RMDN3: variants seen among roughly 807,000 people sequenced by gnomAD.
The protein encoded by RMDN3 is regulator of microtubule dynamics 3, also known as regulator of microtubule dynamics protein 3.
Under a neutral mutation model 61.8 loss-of-function variants are expected in RMDN3, and 41 were observed. The observed-to-expected ratio is 0.66, with a 90% CI of 0.52 to 0.86. RMDN3 has a LOEUF of 0.86. Ranked by LOEUF, RMDN3 falls within the 40% of genes least tolerant of loss-of-function variation. RMDN3 has a pLI of 0.00. For synonymous variants in RMDN3, 247 were observed against 232.0 expected (o/e 1.06, Z -0.59); for missense variants, 557 against 585.3 (o/e 0.95, Z 0.50).
intron 4 of RMDN3, among the ~76,000 whole-genome samples, chr15:40,748,164 G>A (rs983731749): frequency 1.3e-5 from 2 of 152,172 alleles, no homozygotes; most frequent in Admixed American, 6.5e-5. Context: ...AAGAAGGAAG[G>A]AATACAGCTT....
intron 9 of RMDN3, 53 bp downstream of exon 9, chr15:40,737,912 C>A (rs536849601): frequency 1.5e-5 from 23 of 1,582,702 alleles, no homozygotes; most frequent in Non-Finnish European, 1.9e-5. Flanking sequence ...GCAAGGAAAT[C>A]GGTGTCAGAA....
At position 40,736,561 on chromosome 15, in the gene RMDN3, C is replaced by A. The variant is rs1567060223; in HGVS notation, c.1393G>T (p.Glu465Ter). The A allele has an allele frequency of 6.2e-7, 1 of 1,613,976 alleles. No homozygotes were observed. Among genetic ancestry groups the A allele is most frequent in the Non-Finnish European group, 8.5e-7 (1 of 1,179,950 alleles). The change falls in exon 13 of 13, where the codon GAA becomes TAA. Residue 465 changes from glutamate (E) to a stop codon, truncating the protein, a stop_gained. Coordinates refer to ENST00000338376, the MANE Select transcript of RMDN3 (RefSeq NM_018145.3). LOFTEE classifies it high-confidence loss of function. Reference protein sequence around the residue: ...LAIQKDLEELEVILRD With the variant: ...LAIQKDLEEL ...CGTGGTTAGTCTCGTAAAATGACTT[C>A]CAGTTCTTCCAGGTCCTTCTGGATA...
intron 1 of RMDN3, 67 bp from the exon 2 acceptor site, chr15:40,754,857 G>T: frequency 7.4e-7 from 1 of 1,356,460 alleles, no homozygotes; most frequent in Non-Finnish European, 9.9e-7. Flanking sequence ...GAGAGAGAGA[G>T]ATTCGTGAAC....
At chr15:40,736,994 T>C (rs1897077584) in intron 12 of RMDN3, 130 bp downstream of exon 12, 5 of 766,956 alleles carry the variant, frequency 6.5e-6, no homozygotes, top group Middle Eastern at 3.8e-4. Context: ...GCTGGAATTA[T>C]AGGCGTGCGC....
Position 40,736,525 on chromosome 15 carries a change from G to C in RMDN3, c.*16C>G. 2 of 1,612,380 alleles carry C rather than the reference G, an allele frequency of 1.2e-6. No individual in the cohort carries two copies. The highest frequency in any genetic ancestry group is 1.7e-6 in the Non-Finnish European group (2 of 1,178,538). On this transcript the variant is annotated 3_prime_UTR_variant, in exon 13 of 13. Transcript: ENST00000338376. ...TTAAATAGTGGCATCAAGTCATGAAGGCCAGTGAAACGTGGTTAGTCTCGT... is the reference window on the plus strand; with the variant it reads ...TTAAATAGTGGCATCAAGTCATGAACGCCAGTGAAACGTGGTTAGTCTCGT...
At chr15:40,741,991 T>C (rs1018124294) in intron 6 of RMDN3, among the ~76,000 whole-genome samples, 11 of 151,654 alleles carry the variant, frequency 7.3e-5, no homozygotes, top group South Asian at 2.1e-4. Context: ...ATGTAATGCA[T>C]TGAGGTGGTA....
intron 6 of RMDN3, among the ~76,000 whole-genome samples, chr15:40,742,917 A>T (rs549362139): frequency 6.6e-6 from 1 of 152,380 alleles, no homozygotes; most frequent in African/African-American, 2.4e-5. Context: ...AAAAGTAATC[A>T]TAAATAAGCA....
intron 2 of RMDN3, among the ~76,000 whole-genome samples, chr15:40,753,526 GAAAAGAAAAAAGA>G (rs1242175425): frequency 6.7e-6 from 1 of 148,796 alleles, no homozygotes; most frequent in South Asian, 2.1e-4. Flanking sequence ...AAAAAGAAAA[GAAAAGAAAAAAGA>G]AAAGAAAAGA....
At chr15:40,738,633 TG>T in intron 7 of RMDN3, 57 bp from the exon 8 acceptor site, 10 of 1,556,522 alleles carry the variant, frequency 6.4e-6, no homozygotes, top group Non-Finnish European at 8.9e-6. Flanking sequence ...CTGCAAGGAA[TG>T]GATGCCCCAA....
intron 5 of RMDN3, 60 bp downstream of exon 5, chr15:40,744,917 A>G: frequency 2.7e-6 from 4 of 1,499,790 alleles, no homozygotes. Context: ...CCCAGGGGTC[A>G]GGAACAGAGA....
At position 40,745,415 on chromosome 15, in the gene RMDN3, T is replaced by TC. The variant is rs1202429656; in HGVS notation, c.525-157_525-156insG. 7.4e-5 allele frequency among the ~76,000 whole-genome samples: 11 copies of TC among 147,652 alleles called. No individual in the cohort carries two copies. The South Asian group carries it at 1.1e-3, about 14-fold the overall frequency. On this transcript the variant is annotated intron_variant, in intron 4 of 12. Coordinates refer to ENST00000338376, the MANE Select transcript of RMDN3 (RefSeq NM_018145.3). ...CTCTTAAGGGCAGACTTTTTTTCTT[T>TC]TTTTTTTTTTTTTTTGAGACAGGGT...
chr15:40,740,108 C>G (rs139418925), intron 7 of RMDN3, 25 bp downstream of exon 7: 26,472 of 1,551,670 alleles, frequency 0.017, 290 homozygotes, highest in Middle Eastern at 0.042. Flanking sequence ...CTGGCTCTTC[C>G]CAGAACACTG....
At chr15:40,745,733 G>C (rs1012005492) in intron 4 of RMDN3, among the ~76,000 whole-genome samples, 3 of 152,162 alleles carry the variant, frequency 2.0e-5, no homozygotes, top group African/African-American at 7.2e-5. Context: ...AGGAAGGAAA[G>C]AGCAGACAAC....
chr15:40,744,250 G>A (rs4923884), intron 5 of RMDN3, 101 bp from the exon 6 acceptor site: 547,106 of 1,031,832 alleles, frequency 0.53, 149,333 homozygotes, highest in East Asian at 0.8. Context: ...TTCCAAGCTA[G>A]TATGTTACAG....
intron 7 of RMDN3, chr15:40,738,825 C>T: frequency 1.8e-6 from 1 of 545,778 alleles, no homozygotes; most frequent in Non-Finnish European, 3.3e-6. Context: ...AAGCTGGGTT[C>T]ACCACAGTAA....
In RMDN3 at chr15:40,737,505, G is replaced by A. The variant is rs1000138261; in HGVS notation, c.1224+123C>T. 15 of 1,135,534 alleles carry A rather than the reference G, an allele frequency of 1.3e-5. No homozygotes were observed. In the Admixed American group the frequency reaches 1.8e-4, roughly 14 times the overall value. The allele number at this position is 1,135,534 out of a possible 1,614,324, so 70.3% of individuals were successfully genotyped here. On this transcript the variant is annotated intron_variant, in intron 10 of 12. Coordinates refer to ENST00000338376, the MANE Select transcript of RMDN3 (RefSeq NM_018145.3). ...TGCAAGTGATTCTGGTTTTCCCATA[G>A]AACAGGCAAACACAAAATTGCCCCC...
At chr15:40,744,261 T>A in intron 5 of RMDN3, 112 bp from the exon 6 acceptor site, 1 of 896,684 alleles carries the variant, frequency 1.1e-6, no homozygotes, top group Non-Finnish European at 1.8e-6. Context: ...TATGTTACAG[T>A]CATCAATATC....
At chr15:40,739,988 A>G (rs1420472734) in intron 7 of RMDN3, 145 bp downstream of exon 7, 8 of 664,220 alleles carry the variant, frequency 1.2e-5, no homozygotes, top group Non-Finnish European at 2.2e-5. Flanking sequence ...CTAGGGGTAG[A>G]CTGAGGCATG....
Position 40,736,548 on chromosome 15 carries a change from C to T in RMDN3, c.1406G>A (p.Arg469Gln), listed in dbSNP as rs370466451. The T allele has an allele frequency of 1.1e-5, 17 of 1,613,950 alleles. No individual in the cohort carries two copies. The highest frequency in any genetic ancestry group is 4.4e-5 in the South Asian group (4 of 91,066). The part of the protein sequence containing the change: ...KDLEELEVIL[R>Q]D Reference sequence around the variant, plus strand: ...AAGGCCAGTGAAACGTGGTTAGTCTCGTAAAATGACTTCCAGTTCTTCCAG... The same window carrying T: ...AAGGCCAGTGAAACGTGGTTAGTCTTGTAAAATGACTTCCAGTTCTTCCAG... Residue 469 changes from arginine (R) to glutamine (Q), a missense_variant, in exon 13 of 13, where the codon CGA becomes CAA. Transcript: ENST00000338376.
Sources: allele counts gnomAD v4.1 joint callset (sites outside exome capture counted in the v4.1 genomes callset), GRCh38; gene constraint gnomAD v4.1.1; transcripts MANE v1.5; gene names NCBI Gene and HGNC (gene_info 2026-07-23, HGNC 2026-07-21).